The following FBLN2 variants were observed in gnomAD, a reference collection of about 807,000 sequenced individuals.
The protein encoded by FBLN2 is fibulin 2, also known as fibulin-2.
A neutral mutation model predicts 123.7 loss-of-function variants in FBLN2; 81 were observed. The ratio of observed to expected loss-of-function variants is 0.65; its 90% CI spans 0.55 to 0.79. The LOEUF (loss-of-function observed/expected upper bound fraction) is 0.79. FBLN2 is among the 30% of genes least tolerant of loss of function. FBLN2 has a pLI of 0.00. For synonymous variants in FBLN2, 699 were observed against 701.4 expected, an observed-to-expected ratio of 1.00 and a Z score of 0.05; for missense variants, 1,603 against 1,681.3, an observed-to-expected ratio of 0.95 and a Z score of 0.81.
intron 4 of FBLN2, among the ~76,000 whole-genome samples, chr3:13,612,396 T>C (rs2124884650): frequency 6.6e-6 from 1 of 151,592 alleles, no homozygotes; most frequent in South Asian, 2.1e-4. Context: ...CTGTCTTTCT[T>C]TCTTGACGGA....
intron 1 of FBLN2, among the ~76,000 whole-genome samples, chr3:13,569,282 T>C (rs546037441): frequency 3.6e-4 from 54 of 148,936 alleles, no homozygotes; most frequent in Non-Finnish European, 1.8e-4. Context: ...GGGCCTTGAG[T>C]GCCAGGCTCA....
intron 10 of FBLN2, among the ~76,000 whole-genome samples, chr3:13,627,561 C>G (rs1208410882): frequency 2.0e-4 from 30 of 152,198 alleles, no homozygotes; most frequent in Admixed American, 2.0e-3. Flanking sequence ...ACATCTACTT[C>G]TTACGGCTGT....
In FBLN2 at chr3:13,626,061, C is replaced by T. The variant is rs76292831; in HGVS notation, c.2297-384C>T. On this transcript the variant is annotated intron_variant, in intron 9 of 17. Coordinates refer to ENST00000404922, the MANE Select transcript of FBLN2 (RefSeq NM_001004019.2). Reference sequence around the variant, plus strand: ...CTGACCCATCCCGCCCAGCGCCCCCCGCTGTACCTGGGCACTCCCTGTCTC... The same window carrying T: ...CTGACCCATCCCGCCCAGCGCCCCCTGCTGTACCTGGGCACTCCCTGTCTC... Among the ~76,000 whole-genome samples the T allele has an allele frequency of 0.014, 2,159 of 152,224 alleles. 135 individuals carry two copies. The East Asian group carries it at 0.2, about 14-fold the overall frequency.
intron 1 of FBLN2, among the ~76,000 whole-genome samples, chr3:13,561,772 A>G (rs1703615946): frequency 6.6e-6 from 1 of 152,174 alleles, no homozygotes; most frequent in Non-Finnish European, 1.5e-5. Flanking sequence ...GCCATATCCC[A>G]GCACCTGCAG....
chr3:13,609,058 T>C (rs1489599278), intron 3 of FBLN2, among the ~76,000 whole-genome samples: 1 of 152,206 alleles, frequency 6.6e-6, no homozygotes, highest in Non-Finnish European at 1.5e-5. Context: ...TGCTGAGCCC[T>C]GTCCCCCGTA....
chr3:13,564,128 G>C (rs73148603), intron 1 of FBLN2, among the ~76,000 whole-genome samples: 1 of 152,144 alleles, frequency 6.6e-6, no homozygotes, highest in Non-Finnish European at 1.5e-5. Flanking sequence ...AATTTATAAA[G>C]CACCATGTGG....
At chr3:13,595,494 G>A (rs1052548829) in intron 2 of FBLN2, among the ~76,000 whole-genome samples, 3 of 152,072 alleles carry the variant, frequency 2.0e-5, no homozygotes, top group Non-Finnish European at 1.5e-5. Flanking sequence ...AACTCAAGGC[G>A]CCTCCACAGA....
chr3:13,554,270 G>A (rs1028989455), intron 1 of FBLN2, among the ~76,000 whole-genome samples: 2 of 152,192 alleles, frequency 1.3e-5, no homozygotes, highest in Non-Finnish European at 2.9e-5. Context: ...TGGCCACGGA[G>A]ACACCATCAT....
At position 13,614,132 on chromosome 3, in the gene FBLN2, G is replaced by A. The variant is rs556782652; in HGVS notation, c.1697G>A (p.Arg566Gln). ...EEPLIVPEVR[R>Q]PPEPAAAPRR... Reference sequence around the variant, plus strand: ...CCTCTCATAGTACCTGAGGTTCGCCGACCTCCAGAGCCCGCAGCTGCACCA... The same window carrying A: ...CCTCTCATAGTACCTGAGGTTCGCCAACCTCCAGAGCCCGCAGCTGCACCA... Residue 566 changes from arginine (R) to glutamine (Q), a missense_variant, in exon 5 of 18, where the codon CGA becomes CAA. Transcript: ENST00000404922. The A allele has an allele frequency of 4.1e-5, 66 of 1,612,828 alleles. No homozygotes were observed. In the South Asian group the frequency reaches 5.6e-4, roughly 14 times the overall value.
intron 2 of FBLN2, among the ~76,000 whole-genome samples, chr3:13,604,536 A>G (rs1705142058): frequency 6.6e-6 from 1 of 152,148 alleles, no homozygotes; most frequent in African/African-American, 2.4e-5. Flanking sequence ...CAAAGATCAG[A>G]TGGTTGTAGA....
At chr3:13,596,115 G>GTTAAAACTTTTTAA (rs1704833072) in intron 2 of FBLN2, among the ~76,000 whole-genome samples, 3 of 152,312 alleles carry the variant, frequency 2.0e-5, no homozygotes, top group East Asian at 3.9e-4. Context: ...TTTAACAGCT[G>GTTAAAACTTTTTAA]CATACGATTA....
At chr3:13,601,482 G>A (rs901551654) in intron 2 of FBLN2, among the ~76,000 whole-genome samples, 1 of 152,204 alleles carries the variant, frequency 6.6e-6, no homozygotes, top group African/African-American at 2.4e-5. Flanking sequence ...GGCATCCTGG[G>A]AGGTGGAGGC....
intron 1 of FBLN2, among the ~76,000 whole-genome samples, chr3:13,554,377 T>G (rs753060628): frequency 1.3e-5 from 2 of 152,240 alleles, no homozygotes; most frequent in Non-Finnish European, 2.9e-5. Flanking sequence ...ACCCCCATCC[T>G]GGCCCTGAAT....
At chr3:13,563,993 A>G (rs1259402646) in intron 1 of FBLN2, among the ~76,000 whole-genome samples, 1 of 152,230 alleles carries the variant, frequency 6.6e-6, no homozygotes, top group Non-Finnish European at 1.5e-5. Context: ...GCCAATGGGA[A>G]GGGAGTGTGC....
chr3:13,561,823 C>G (rs9823018), intron 1 of FBLN2, among the ~76,000 whole-genome samples: 124,124 of 152,206 alleles, frequency 0.82, 50,944 homozygotes, highest in East Asian at 1. Flanking sequence ...TAGCTGCAAA[C>G]TAAAGGACTC....
At chr3:13,600,816 A>G (rs892158111) in intron 2 of FBLN2, among the ~76,000 whole-genome samples, 15 of 152,120 alleles carry the variant, frequency 9.9e-5, no homozygotes, top group Non-Finnish European at 7.4e-5. Flanking sequence ...GGTTTTCGCC[A>G]TGTTGGCCAG....
At chr3:13,618,655 C>T (rs941538751) in intron 6 of FBLN2, among the ~76,000 whole-genome samples, 1 of 152,232 alleles carries the variant, frequency 6.6e-6, no homozygotes, top group Non-Finnish European at 1.5e-5. Context: ...AATCCAGACA[C>T]TCTTTTTCCT....
In FBLN2 at chr3:13,589,007, T is replaced by TAGC. The variant is rs1379634411; in HGVS notation, c.1306+17349_1306+17351dup. On this transcript the variant is annotated intron_variant, in intron 2 of 17. Transcript: ENST00000404922. The stretch of plus-strand genomic sequence containing the variant: ...AGCAGAAGTATAGTCTCTTAGGTAA[T>TAGC]AGCAGTTCCTTAAATAATAATGAAA... Among the ~76,000 whole-genome samples the TAGC allele has an allele frequency of 3.3e-5, 5 of 152,338 alleles. No individual in the cohort carries two copies. The East Asian group carries it at 5.8e-4, about 18-fold the overall frequency.
At chr3:13,626,091 G>A (rs1463491569) in intron 9 of FBLN2, among the ~76,000 whole-genome samples, 5 of 151,990 alleles carry the variant, frequency 3.3e-5, no homozygotes, top group African/African-American at 7.3e-5. Flanking sequence ...TGTCTCCTGC[G>A]TCCTGCTCTG....
Sources: allele counts gnomAD v4.1 joint callset (sites outside exome capture counted in the v4.1 genomes callset), GRCh38; gene constraint gnomAD v4.1.1; transcripts MANE v1.5; gene names NCBI Gene and HGNC (gene_info 2026-07-23, HGNC 2026-07-21).